WDPCP: variants seen among roughly 807,000 people sequenced by gnomAD.
WDPCP encodes WD repeat-containing and planar cell polarity effector protein fritz homolog.
A neutral mutation model predicts 93.1 loss-of-function variants in WDPCP; 71 were observed. The ratio of observed to expected loss-of-function variants is 0.76; its 90% confidence interval spans 0.63 to 0.93. The LOEUF (loss-of-function observed/expected upper bound fraction) is 0.93, where lower values mean the gene tolerates loss of function less well. WDPCP is among the 40% of genes least tolerant of loss of function. The pLI, the probability that WDPCP is intolerant of heterozygous loss-of-function variation, is 0.00. For synonymous variants in WDPCP, 315 were observed against 315.0 expected (o/e 1.00, Z 0.00); for missense variants, 844 against 887.4 (o/e 0.95, Z 0.62).
intron 6 of WDPCP, among the ~76,000 whole-genome samples, chr2:63,459,494 T>G (rs1481114918): frequency 6.6e-6 from 1 of 152,158 alleles, no homozygotes; most frequent in Non-Finnish European, 1.5e-5. Context: ...TCACCCCAGT[T>G]AGAATGGCTA....
At chr2:63,203,860 C>T (rs182870118) in intron 14 of WDPCP, among the ~76,000 whole-genome samples, 98 of 152,278 alleles carry the variant, frequency 6.4e-4, no homozygotes, top group African/African-American at 2.2e-3. Context: ...CAGTTCCATC[C>T]GTGTTGTTGC....
intron 6 of WDPCP, among the ~76,000 whole-genome samples, chr2:63,453,645 G>A (rs888494879): frequency 4.6e-5 from 7 of 152,014 alleles, no homozygotes; most frequent in East Asian, 1.9e-4. Flanking sequence ...ACATGCACAC[G>A]TATGTTTATT....
chr2:63,818,706 A>G (rs1670974314), intron 1 of WDPCP, among the ~76,000 whole-genome samples: 1 of 152,230 alleles, frequency 6.6e-6, no homozygotes, highest in Non-Finnish European at 1.5e-5. Context: ...TATAAAAAGT[A>G]TGATTCCTTT....
intron 13 of WDPCP, among the ~76,000 whole-genome samples, chr2:63,287,428 T>C (rs1559284882): frequency 6.6e-6 from 1 of 152,086 alleles, no homozygotes; most frequent in Admixed American, 6.6e-5. Flanking sequence ...ACTCTTCCTG[T>C]TGTAACACCC....
chr2:63,297,725 G>C (rs1275437697), intron 13 of WDPCP, among the ~76,000 whole-genome samples: 7 of 151,920 alleles, frequency 4.6e-5, no homozygotes, highest in African/African-American at 1.2e-4. Context: ...TAATGCACAG[G>C]GTAGACCTAA....
chr2:63,835,410 A>AAAG, the WDPCP span, among the ~76,000 whole-genome samples: 8 of 151,060 alleles, frequency 5.3e-5, no homozygotes, highest in Middle Eastern at 3.4e-3. Context: ...AAAAAAAAAA[A>AAAG]AAGAAGAAAA....
chr2:63,816,966 G>A (rs1043904744), intron 1 of WDPCP, among the ~76,000 whole-genome samples: 28 of 152,142 alleles, frequency 1.8e-4, no homozygotes, highest in African/African-American at 6.5e-4. Flanking sequence ...TAACCTCTGG[G>A]GGCAGGGGTA....
chr2:63,812,519 A>G (rs1444256590), intron 2 of WDPCP, among the ~76,000 whole-genome samples: 2 of 152,188 alleles, frequency 1.3e-5, no homozygotes, highest in Non-Finnish European at 2.9e-5. Flanking sequence ...ACTAATTTAC[A>G]TTCCCACCAA....
chr2:63,205,941 GT>G (rs1475441673), intron 14 of WDPCP, among the ~76,000 whole-genome samples: 1 of 152,072 alleles, frequency 6.6e-6, no homozygotes, highest in East Asian at 1.9e-4. Flanking sequence ...TTCTCATTCG[GT>G]ATGTTACCAG....
At chr2:63,837,208 T>G in the WDPCP span, among the ~76,000 whole-genome samples, 1 of 152,246 alleles carries the variant, frequency 6.6e-6, no homozygotes, top group Admixed American at 6.5e-5. Context: ...CCCATTCATT[T>G]TTAGACAACT....
At chr2:63,720,373 C>T (rs890407337) in intron 2 of WDPCP, among the ~76,000 whole-genome samples, 7 of 150,868 alleles carry the variant, frequency 4.6e-5, no homozygotes, top group Admixed American at 2.6e-4. Flanking sequence ...GCCGAGATTG[C>T]GCCACTGCAC....
chr2:63,154,986 C>A (rs2103839617), intron 15 of WDPCP, among the ~76,000 whole-genome samples: 1 of 152,230 alleles, frequency 6.6e-6, no homozygotes, highest in South Asian at 2.1e-4. Context: ...TGTAGTTGGG[C>A]TATTTGTTTT....
intron 9 of WDPCP, among the ~76,000 whole-genome samples, chr2:63,412,007 C>T (rs1695058352): frequency 6.6e-6 from 1 of 151,996 alleles, no homozygotes; most frequent in African/African-American, 2.4e-5. Context: ...GAGAAAGGAA[C>T]AACCTTCCCT....
chr2:63,430,954 ATAATT>A (rs1315270433), intron 9 of WDPCP, among the ~76,000 whole-genome samples: 1 of 152,232 alleles, frequency 6.6e-6, no homozygotes, highest in Non-Finnish European at 1.5e-5. Context: ...TATCCATAAA[ATAATT>A]TAAAAATGTT....
intron 3 of WDPCP, chr2:63,597,331 AAT>A: frequency 7.6e-7 from 1 of 1,308,754 alleles, no homozygotes; most frequent in Non-Finnish European, 9.8e-7. Context: ...GGGTAGATTC[AAT>A]ATGAAAAAGA....
chr2:63,274,349 T>A (rs1682911358), intron 13 of WDPCP, among the ~76,000 whole-genome samples: 1 of 152,124 alleles, frequency 6.6e-6, no homozygotes, highest in African/African-American at 2.4e-5. Flanking sequence ...AAAGCAGTGC[T>A]AAGAAGTACT....
chr2:63,468,709 C>T (rs542164770), intron 6 of WDPCP, among the ~76,000 whole-genome samples: 3 of 152,114 alleles, frequency 2.0e-5, no homozygotes, highest in Non-Finnish European at 4.4e-5. Context: ...TTCCCTCCCC[C>T]CTTAGCAGGT....
intron 14 of WDPCP, among the ~76,000 whole-genome samples, chr2:63,199,668 T>C (rs1675745721): frequency 6.6e-6 from 1 of 152,200 alleles, no homozygotes; most frequent in South Asian, 2.1e-4. Flanking sequence ...CAGGCAGAAG[T>C]CTGCTGCAGG....
chr2:63,513,957 G>A (rs887852395), intron 1 of WDPCP, among the ~76,000 whole-genome samples: 3 of 151,680 alleles, frequency 2.0e-5, no homozygotes, highest in Non-Finnish European at 4.4e-5. Flanking sequence ...TTTGTTAAAG[G>A]AGTGTTGGCT....
Sources: gnomAD v4.1 joint callset for allele counts (sites outside exome capture counted in the v4.1 genomes callset) on GRCh38, gnomAD v4.1.1 for gene constraint, MANE v1.5 for transcripts, NCBI Gene and HGNC (gene_info 2026-07-23, HGNC 2026-07-21) for gene names.